Variants in PDE1A observed in about 807,000 individuals in gnomAD.
PDE1A encodes phosphodiesterase 1A.
A neutral mutation model predicts 61.7 loss-of-function variants in PDE1A; 35 were observed. That is an observed-to-expected ratio of 0.57 (90% confidence interval 0.43 to 0.75). PDE1A has a LOEUF of 0.75. PDE1A is among the 30% of genes least tolerant of loss of function. The probability of loss-of-function intolerance (pLI) is 0.00; values close to 1 mark genes in which losing one functional copy is unlikely to be tolerated. For synonymous variants in PDE1A, 232 were observed against 213.2 expected (o/e 1.09, Z -0.77); for missense variants, 597 against 630.6 (o/e 0.95, Z 0.57).
chr2:182,206,394 A>G (rs1687105109), intron 7 of PDE1A, among the ~76,000 whole-genome samples: 1 of 152,164 alleles, frequency 6.6e-6, no homozygotes, highest in Non-Finnish European at 1.5e-5. Flanking sequence ...ATGAACCTAC[A>G]TAGACACATC....
chr2:182,283,613 A>G (rs1693968209), intron 1 of PDE1A, among the ~76,000 whole-genome samples: 1 of 152,126 alleles, frequency 6.6e-6, no homozygotes, highest in African/African-American at 2.4e-5. Flanking sequence ...AATGAGTTAA[A>G]TCTTGAGTTT....
the PDE1A span, among the ~76,000 whole-genome samples, chr2:182,560,771 T>C: frequency 6.6e-6 from 1 of 151,908 alleles, no homozygotes; most frequent in Non-Finnish European, 1.5e-5. Context: ...TAGTGTGAGA[T>C]GGTATCTCAT....
intron 1 of PDE1A, among the ~76,000 whole-genome samples, chr2:182,361,586 C>T (rs1019925458): frequency 6.6e-6 from 1 of 151,984 alleles, no homozygotes; most frequent in African/African-American, 2.4e-5. Context: ...ACAGTTCAGC[C>T]TCATATCTCT....
the PDE1A span, among the ~76,000 whole-genome samples, chr2:182,567,023 T>G: frequency 6.6e-6 from 1 of 152,210 alleles, no homozygotes; most frequent in Non-Finnish European, 1.5e-5. Flanking sequence ...TTAAAAGCCC[T>G]GGATAAGTCT....
intron 2 of PDE1A, among the ~76,000 whole-genome samples, chr2:182,500,095 G>A (rs141873968): frequency 7.2e-5 from 11 of 152,256 alleles, no homozygotes; most frequent in African/African-American, 1.4e-4. Flanking sequence ...CACTTCTTTC[G>A]GTGAACTCAG....
intron 13 of PDE1A, among the ~76,000 whole-genome samples, chr2:182,160,020 A>G (rs1432597916): frequency 6.6e-6 from 1 of 152,200 alleles, no homozygotes; most frequent in Non-Finnish European, 1.5e-5. Flanking sequence ...TGACTCATTT[A>G]ATCCTCCTAA....
chr2:182,177,331 T>C (rs1421933932), intron 13 of PDE1A, among the ~76,000 whole-genome samples: 1 of 151,952 alleles, frequency 6.6e-6, no homozygotes, highest in African/African-American at 2.4e-5. Flanking sequence ...TCTTTTTGGT[T>C]GGTAAGCTAT....
intron 1 of PDE1A, among the ~76,000 whole-genome samples, chr2:182,392,466 A>T (rs1226990428): frequency 6.6e-6 from 1 of 152,166 alleles, no homozygotes; most frequent in African/African-American, 2.4e-5. Flanking sequence ...ACACAGCCAA[A>T]TCACATCATT....
At chr2:182,273,990 G>T (rs984908832) in intron 1 of PDE1A, among the ~76,000 whole-genome samples, 1 of 152,062 alleles carries the variant, frequency 6.6e-6, no homozygotes, top group African/African-American at 2.4e-5. Context: ...CCTGACCGAG[G>T]TGTTGGCAGA....
At position 182,351,710 on chromosome 2, in the gene PDE1A, C is replaced by T. The variant is rs1276764982; in HGVS notation, c.53+74868G>A. Among the ~76,000 whole-genome samples, 3 of 152,194 alleles carry T rather than the reference C, an allele frequency of 2.0e-5. No individual in the cohort carries two copies. The East Asian group carries it at 5.8e-4, about 29-fold the overall frequency. ...GATCAATCATAGCAATCTGTACTCA[C>T]TTCTGAAAGTAAAATCACAGCCAAC... is the stretch of plus-strand genomic sequence containing the variant. On this transcript the variant is annotated intron_variant, in intron 1 of 13. Transcript: ENST00000351439.
chr2:182,506,925 G>T (rs1689449416), intron 2 of PDE1A, among the ~76,000 whole-genome samples: 1 of 152,182 alleles, frequency 6.6e-6, no homozygotes, highest in Admixed American at 6.5e-5. Flanking sequence ...TATTTGGTGG[G>T]AAATTACATT....
chr2:182,365,947 T>G (rs150885942), intron 1 of PDE1A, among the ~76,000 whole-genome samples: 1 of 151,926 alleles, frequency 6.6e-6, no homozygotes, highest in Admixed American at 6.6e-5. Flanking sequence ...CCCTCCGAGG[T>G]GTACTGTCAA....
chr2:182,427,873 G>C (rs1703711192), upstream of PDE1A, among the ~76,000 whole-genome samples: 1 of 152,118 alleles, frequency 6.6e-6, no homozygotes, highest in Non-Finnish European at 1.5e-5. Context: ...TGATTAGAAT[G>C]TTTTTAATAT....
the PDE1A span, among the ~76,000 whole-genome samples, chr2:182,691,568 A>C: frequency 6.6e-6 from 1 of 152,244 alleles, no homozygotes; most frequent in African/African-American, 2.4e-5. Flanking sequence ...ACCTAAAACC[A>C]TAAAAACCCT....
In PDE1A at chr2:182,305,308, A is replaced by G. The variant is rs1034162307; in HGVS notation, c.54-40894T>C. Among the ~76,000 whole-genome samples, 3 of 152,156 alleles carry G rather than the reference A, an allele frequency of 2.0e-5. No individual in the cohort carries two copies. The East Asian group carries it at 5.8e-4, about 29-fold the overall frequency. On this transcript the variant is annotated intron_variant, in intron 1 of 13. Coordinates refer to ENST00000351439, the Ensembl canonical transcript of PDE1A. ...CCGTTGTTAAGTAAGTTTTTCCTCT[A>G]CATCATGAATAAGCCATTTTTTTTT...
intron 1 of PDE1A, among the ~76,000 whole-genome samples, chr2:182,280,357 C>T (rs1356009952): frequency 6.6e-6 from 1 of 151,822 alleles, no homozygotes; most frequent in East Asian, 1.9e-4. Flanking sequence ...CTGAGGCTGC[C>T]CTTGACCACA....
intron 1 of PDE1A, among the ~76,000 whole-genome samples, chr2:182,347,740 T>C (rs73043582): frequency 0.099 from 14,998 of 152,116 alleles, 1,589 homozygotes; most frequent in African/African-American, 0.26. Flanking sequence ...GACAAGAATG[T>C]ATATAAATAA....
At chr2:182,162,202 T>C (rs560971937) in intron 13 of PDE1A, among the ~76,000 whole-genome samples, 11 of 152,228 alleles carry the variant, frequency 7.2e-5, no homozygotes, top group African/African-American at 2.6e-4. Context: ...ATCACTCAAT[T>C]AGAAAACAAA....
At chr2:182,341,441 C>T (rs1382614695) in intron 1 of PDE1A, among the ~76,000 whole-genome samples, 1 of 152,058 alleles carries the variant, frequency 6.6e-6, no homozygotes, top group African/African-American at 2.4e-5. Context: ...TGAAGATATC[C>T]CCATTGTTAA....
Sources: gnomAD v4.1 joint callset for allele counts (sites outside exome capture counted in the v4.1 genomes callset) on GRCh38, gnomAD v4.1.1 for gene constraint, MANE v1.5 for transcripts, NCBI Gene and HGNC (gene_info 2026-07-23, HGNC 2026-07-21) for gene names.